The following GOT1 variants were observed in gnomAD, a reference collection of about 807,000 sequenced individuals.
The protein encoded by GOT1 is glutamic-oxaloacetic transaminase 1.
A neutral mutation model predicts 48.2 loss-of-function variants in GOT1; 25 were observed. That is an observed-to-expected ratio of 0.52 (90% CI 0.38 to 0.72). GOT1 has a LOEUF of 0.72. GOT1 is among the 30% of genes least tolerant of loss of function. GOT1 has a pLI of 0.00. For synonymous variants in GOT1, 188 were observed against 193.8 expected (o/e 0.97, Z 0.25); for missense variants, 380 against 520.1 (o/e 0.73, Z 2.62).
At chr10:99,422,258 A>G (rs2032980303) in intron 1 of GOT1, among the ~76,000 whole-genome samples, 1 of 152,148 alleles carries the variant, frequency 6.6e-6, no homozygotes, top group South Asian at 2.1e-4. Flanking sequence ...CTCTTCCTCC[A>G]TGATTGTAAG....
chr10:99,417,037 A>T (rs1357490752), intron 2 of GOT1, among the ~76,000 whole-genome samples: 2 of 152,266 alleles, frequency 1.3e-5, no homozygotes, highest in Non-Finnish European at 2.9e-5. Flanking sequence ...TTCATGTCTT[A>T]AACACCAAAA....
rs750523268 is a variant in GOT1 at position 99,405,862 on chromosome 10, TGAG to T, written c.538-5_538-3del. 48 of 1,551,224 alleles carry T rather than the reference TGAG, an allele frequency of 3.1e-5. 1 individual carries two copies. The South Asian group carries it at 4.1e-4, about 13-fold the overall frequency. ...AACAATGGAGAACTCAGGAGCATTC[TGAG>T]GAGAAGGAAGCTATGTCAGCTCTGA... is the stretch of plus-strand genomic sequence containing the variant. On this transcript the variant is annotated splice_region_variant and splice_polypyrimidine_tract_variant and intron_variant, in intron 4 of 8. Coordinates refer to ENST00000370508, the MANE Select transcript of GOT1 (RefSeq NM_002079.3).
intron 2 of GOT1, among the ~76,000 whole-genome samples, chr10:99,418,754 T>C (rs1223948338): frequency 2.0e-5 from 3 of 152,112 alleles, no homozygotes; most frequent in Admixed American, 1.3e-4. Context: ...CTGCCCACCT[T>C]GGCCTCCCGA....
At chr10:99,416,069 A>G (rs1057222895) in intron 2 of GOT1, among the ~76,000 whole-genome samples, 8 of 152,184 alleles carry the variant, frequency 5.3e-5, no homozygotes, top group African/African-American at 1.7e-4. Context: ...CCTATTCAAC[A>G]TAGTGTTGAA....
chr10:99,425,113 T>G (rs2033021849), intron 1 of GOT1, among the ~76,000 whole-genome samples: 1 of 152,216 alleles, frequency 6.6e-6, no homozygotes, highest in South Asian at 2.1e-4. Context: ...CCTTTAATTC[T>G]AATTTGAGGA....
At position 99,420,632 on chromosome 10, in the gene GOT1, C is replaced by G. The variant is rs374566714; in HGVS notation, c.292G>C (p.Glu98Gln). The G allele has an allele frequency of 4.3e-6, 7 of 1,610,288 alleles. No individual in the cohort carries two copies. In the African/African-American group the frequency reaches 9.4e-5, roughly 22 times the overall value. Residue 98 changes from glutamate (E) to glutamine (Q), a missense_variant, in exon 2 of 9, where the codon GAG (glutamate) becomes CAG (glutamine). Glu to Gln is a conservative substitution (Grantham distance 29, BLOSUM62 2). Transcript: ENST00000370508. The stretch of plus-strand genomic sequence containing the variant: ...CCTTACCCAAAACTTACCCGCTTCT[C>G]CTTGAGTGCTGGGCTGTCATCCCCA... ...ALGDDSPALKEKRVGGVQSLG... is the reference protein window; with the variant it reads ...ALGDDSPALKQKRVGGVQSLG...
chr10:99,421,729 AG>A (rs997668907), intron 1 of GOT1, among the ~76,000 whole-genome samples: 1 of 152,192 alleles, frequency 6.6e-6, no homozygotes, highest in Non-Finnish European at 1.5e-5. Flanking sequence ...GATTCCTGGC[AG>A]GGGTCATTTG....
intron 1 of GOT1, among the ~76,000 whole-genome samples, chr10:99,422,585 C>T (rs1359972799): frequency 6.6e-6 from 1 of 152,078 alleles, no homozygotes; most frequent in Non-Finnish European, 1.5e-5. Context: ...TAATAGGTGA[C>T]ATGTTTGCAT....
intron 1 of GOT1, among the ~76,000 whole-genome samples, chr10:99,428,951 G>A (rs758102452): frequency 6.6e-5 from 10 of 152,056 alleles, no homozygotes; most frequent in African/African-American, 9.7e-5. Flanking sequence ...TATAACGTAT[G>A]CCCATGTACC....
chr10:99,417,304 A>G (rs1356914799), intron 2 of GOT1, among the ~76,000 whole-genome samples: 3 of 152,242 alleles, frequency 2.0e-5, no homozygotes, highest in Non-Finnish European at 4.4e-5. Context: ...GAAGACATTT[A>G]TGCAGCCAAC....
chr10:99,428,885 A>T (rs1232430397), intron 1 of GOT1, among the ~76,000 whole-genome samples: 2 of 152,218 alleles, frequency 1.3e-5, no homozygotes, highest in African/African-American at 4.8e-5. Context: ...GTACTGACTT[A>T]TCTTAAAAGC....
At chr10:99,410,087 A>C (rs1051389976) in intron 2 of GOT1, among the ~76,000 whole-genome samples, 36 of 152,298 alleles carry the variant, frequency 2.4e-4, no homozygotes, top group Middle Eastern at 6.8e-3. Context: ...TTGGTGTGCT[A>C]ACTACTCTGT....
chr10:99,401,265 G>A (rs2134095783), intron 8 of GOT1, among the ~76,000 whole-genome samples: 1 of 152,304 alleles, frequency 6.6e-6, no homozygotes, highest in African/African-American at 2.4e-5. Flanking sequence ...AGCTAACTGA[G>A]CTATTTCTTT....
chr10:99,406,760 C>T lies in GOT1; in HGVS notation c.390G>A (p.Lys130=). 2 of 1,613,964 alleles carry T rather than the reference C, an allele frequency of 1.2e-6. No individual in the cohort carries two copies. The highest frequency in any genetic ancestry group is 1.7e-6 in the Non-Finnish European group (2 of 1,179,906). Residue 130 remains lysine (K), a synonymous_variant, in exon 3 of 9, where the codon AAG becomes AAA. Coordinates refer to ENST00000370508, the MANE Select transcript of GOT1 (RefSeq NM_002079.3). ...GTGAGGACACATAGACAGGTGTGTT[C>T]TTGTTGTTTGTTCCATTGTACCAAC... The part of the protein sequence containing the change: ...LARWYNGTNN[K]NTPVYVSSPT...
intron 3 of GOT1, among the ~76,000 whole-genome samples, chr10:99,406,510 G>T (rs1312532647): frequency 7.8e-6 from 1 of 128,058 alleles, no homozygotes; most frequent in African/African-American, 3.9e-5. Flanking sequence ...ACATAGCCTT[G>T]GTAGATACAA....
chr10:99,403,461 C>G lies in GOT1; in HGVS notation c.959+8G>C, dbSNP rs747944198. ...ACCCCCCGGCCCACCAGACTGGGAG[C>G]CCCTTACCATTCCTCAAAGAGCTCA... On this transcript the variant is annotated splice_region_variant and intron_variant, in intron 7 of 8. Transcript: ENST00000370508. 16 of 1,608,752 alleles carry G rather than the reference C, an allele frequency of 9.9e-6. No homozygotes were observed. The highest frequency in any genetic ancestry group is 1.4e-5 in the Non-Finnish European group (16 of 1,176,322).
chr10:99,421,025 G>C (rs756998455), intron 1 of GOT1, among the ~76,000 whole-genome samples: 1 of 152,180 alleles, frequency 6.6e-6, no homozygotes, highest in Non-Finnish European at 1.5e-5. Context: ...CCATCCTTGT[G>C]GAACTTACAG....
chr10:99,429,525 C>A (rs1184915032), intron 1 of GOT1, among the ~76,000 whole-genome samples: 1 of 152,094 alleles, frequency 6.6e-6, no homozygotes, highest in Non-Finnish European at 1.5e-5. Flanking sequence ...TTTATCCTAC[C>A]CATTTTCATC....
chr10:99,406,346 A>G (rs1239604466), intron 3 of GOT1, 97 bp from the exon 4 acceptor site: 4 of 823,268 alleles, frequency 4.9e-6, no homozygotes, highest in Non-Finnish European at 8.4e-6. Flanking sequence ...CCCAGGCTCA[A>G]TGTCCACTGG....
Sources: allele counts gnomAD v4.1 joint callset (sites outside exome capture counted in the v4.1 genomes callset), GRCh38; gene constraint gnomAD v4.1.1; transcripts MANE v1.5; gene names NCBI Gene and HGNC (gene_info 2026-07-23, HGNC 2026-07-21).